LY86: variants seen among roughly 807,000 people sequenced by gnomAD.
The protein encoded by LY86 is lymphocyte antigen 86.
In LY86, 20 loss-of-function variants were observed where a neutral mutation model predicts 17.3. The ratio of observed to expected loss-of-function variants is 1.15; its 90% CI spans 0.81 to 1.68. The LOEUF is 1.68. Among genes scored for constraint, LY86 ranks in the 40% most tolerant of loss-of-function variants. The pLI, the probability that LY86 is intolerant of heterozygous loss-of-function variation, is 0.00. For synonymous variants in LY86, 74 were observed against 70.6 expected (o/e 1.05, Z -0.24); for missense variants, 200 against 191.9 (o/e 1.04, Z -0.25).
chr6:6,622,001 G>A (rs897938392), intron 1 of LY86, among the ~76,000 whole-genome samples: 1 of 152,040 alleles, frequency 6.6e-6, no homozygotes, highest in East Asian at 1.9e-4. Flanking sequence ...TCCCCAAGAG[G>A]ACCACAAACT....
intron 3 of LY86, among the ~76,000 whole-genome samples, chr6:6,630,790 C>T (rs962553712): frequency 2.0e-5 from 3 of 152,132 alleles, no homozygotes; most frequent in East Asian, 1.9e-4. Flanking sequence ...CCACAGGTCG[C>T]GACTGAGCCC....
Position 6,588,815 on chromosome 6 carries a change from G to A in LY86, c.81G>A (p.Trp27Ter), listed in dbSNP as rs777824587. 1.2e-6 allele frequency: 2 copies of A among 1,614,138 alleles called. No individual in the cohort carries two copies. The highest frequency in any genetic ancestry group is 2.2e-5 in the East Asian group (1 of 44,878). Residue 27 changes from tryptophan (W) to a stop codon, truncating the protein, a stop_gained, in exon 1 of 5, where the codon TGG becomes TGA. Transcript: ENST00000230568. LOFTEE classifies it high-confidence loss of function. ...GTGGAGGCGGCGGTGGGAAAGCCTG[G>A]CCCACACACGTGGTCTGTAGCGACA... ...SCSGGGGGKA[W>*]PTHVVCSDSG...
intron 1 of LY86, among the ~76,000 whole-genome samples, chr6:6,601,169 C>T (rs192111183): frequency 7.2e-5 from 11 of 152,208 alleles, no homozygotes; most frequent in East Asian, 3.9e-4. Flanking sequence ...GAGACTCTTA[C>T]GTAAATACTA....
chr6:6,629,841 C>T (rs915187883), intron 3 of LY86, among the ~76,000 whole-genome samples: 9 of 152,244 alleles, frequency 5.9e-5, no homozygotes, highest in Admixed American at 1.3e-4. Context: ...ATATGGCCAA[C>T]GATAGGGCAT....
chr6:6,643,874 G>T (rs1762074063), intron 3 of LY86, among the ~76,000 whole-genome samples: 1 of 152,150 alleles, frequency 6.6e-6, no homozygotes, highest in Admixed American at 6.5e-5. Flanking sequence ...CAATATAACT[G>T]GGGCAAAAAA....
At chr6:6,606,043 G>C (rs1015951627) in intron 1 of LY86, among the ~76,000 whole-genome samples, 2 of 152,176 alleles carry the variant, frequency 1.3e-5, no homozygotes, top group African/African-American at 2.4e-5. Flanking sequence ...TACTACTCAA[G>C]CAGGTTACTG....
In LY86 at chr6:6,611,946, C is replaced by T. The variant is rs555321658; in HGVS notation, c.137-12980C>T. 3.9e-5 allele frequency among the ~76,000 whole-genome samples: 6 copies of T among 152,214 alleles called. No individual in the cohort carries two copies. In the East Asian group the frequency reaches 1.2e-3, roughly 29 times the overall value. On this transcript the variant is annotated intron_variant, in intron 1 of 4. Transcript: ENST00000230568. ...TGCCAGCTGCTCTTAACTTCCAGCA[C>T]GTGTCCCAAGCAATCTACTTGAAAG...
intron 3 of LY86, among the ~76,000 whole-genome samples, chr6:6,634,374 G>A (rs976201675): frequency 6.6e-6 from 1 of 152,218 alleles, no homozygotes; most frequent in Non-Finnish European, 1.5e-5. Flanking sequence ...CTGTTTGACC[G>A]AAGTGAGAAA....
chr6:6,613,445 C>T (rs1432134804), intron 1 of LY86, among the ~76,000 whole-genome samples: 4 of 152,220 alleles, frequency 2.6e-5, no homozygotes, highest in Non-Finnish European at 4.4e-5. Context: ...CGCCGGGAGG[C>T]AGCCAAGGCC....
intron 1 of LY86, among the ~76,000 whole-genome samples, chr6:6,612,727 C>A (rs1006550574): frequency 6.6e-6 from 1 of 152,152 alleles, no homozygotes; most frequent in Non-Finnish European, 1.5e-5. Context: ...GAGCTAGATG[C>A]AAAAGTTCTC....
chr6:6,635,001 G>A (rs1028791287), intron 3 of LY86, among the ~76,000 whole-genome samples: 1 of 152,198 alleles, frequency 6.6e-6, no homozygotes, highest in Non-Finnish European at 1.5e-5. Context: ...CTATGCTGAT[G>A]ACCTGACAAC....
chr6:6,591,790 T>C (rs9328375), intron 1 of LY86, among the ~76,000 whole-genome samples: 97,174 of 152,060 alleles, frequency 0.64, 31,209 homozygotes, highest in Middle Eastern at 0.7. Context: ...TAAAACTCCC[T>C]GTGGTCTAGA....
intron 1 of LY86, among the ~76,000 whole-genome samples, chr6:6,615,087 G>A (rs527295483): frequency 1.3e-5 from 2 of 152,212 alleles, no homozygotes; most frequent in Non-Finnish European, 2.9e-5. Context: ...GTAGACGTAG[G>A]ATCTCACGTT....
chr6:6,603,603 C>CAACAAAAAAAA (rs1207511602), intron 1 of LY86, among the ~76,000 whole-genome samples: 4 of 70,462 alleles, frequency 5.7e-5, no homozygotes, highest in East Asian at 3.1e-4. Flanking sequence ...AAAACAGAAA[C>CAACAAAAAAAA]AGAAAAAAAA....
intron 1 of LY86, among the ~76,000 whole-genome samples, chr6:6,605,363 C>T (rs9504867): frequency 0.015 from 2,311 of 152,332 alleles, 52 homozygotes; most frequent in African/African-American, 0.051. Flanking sequence ...CAATTCTAGG[C>T]TTGGCTGGGG....
At chr6:6,617,209 A>G (rs867081676) in intron 1 of LY86, among the ~76,000 whole-genome samples, 8 of 152,192 alleles carry the variant, frequency 5.3e-5, no homozygotes, top group African/African-American at 1.7e-4. Flanking sequence ...TACTTAACCA[A>G]TAGTAGGGCT....
At chr6:6,631,404 GAGA>G (rs961150376) in intron 3 of LY86, among the ~76,000 whole-genome samples, 2 of 152,182 alleles carry the variant, frequency 1.3e-5, no homozygotes, top group Non-Finnish European at 2.9e-5. Flanking sequence ...AGCTTTGCTA[GAGA>G]AGAAGTAAAC....
intron 3 of LY86, among the ~76,000 whole-genome samples, chr6:6,630,438 C>T (rs1048485088): frequency 6.6e-6 from 1 of 152,208 alleles, no homozygotes; most frequent in Non-Finnish European, 1.5e-5. Flanking sequence ...GTTAAAGCTG[C>T]CTTGGTCCTT....
At chr6:6,609,296 A>G (rs1187107318) in intron 1 of LY86, among the ~76,000 whole-genome samples, 2 of 152,228 alleles carry the variant, frequency 1.3e-5, no homozygotes, top group South Asian at 2.1e-4. Context: ...TCTCATTGAC[A>G]TAAGAGATGC....
Sources: allele counts gnomAD v4.1 joint callset (sites outside exome capture counted in the v4.1 genomes callset), GRCh38; gene constraint gnomAD v4.1.1; transcripts MANE v1.5; gene names NCBI Gene and HGNC (gene_info 2026-07-23, HGNC 2026-07-21).